The following GLB1 variants were observed in gnomAD, a reference collection of about 807,000 sequenced individuals.
GLB1 encodes beta-galactosidase.
Under a neutral mutation model 74.0 loss-of-function variants are expected in GLB1, and 56 were observed. The ratio of observed to expected loss-of-function variants is 0.76; its 90% CI spans 0.61 to 0.94. The LOEUF (loss-of-function observed/expected upper bound fraction) is 0.94. Ranked by LOEUF, GLB1 falls within the 40% of genes least tolerant of loss-of-function variation. The pLI is 0.00. For missense variants in GLB1, 787 were observed against 845.5 expected (o/e 0.93, Z 0.86); for synonymous variants, 323 against 323.6 (o/e 1.00, Z 0.02).
intron 5 of GLB1, among the ~76,000 whole-genome samples, chr3:33,064,438 T>C (rs2125541846): frequency 2.5e-5 from 1 of 40,108 alleles, no homozygotes; most frequent in Non-Finnish European, 4.5e-5. Flanking sequence ...AGACTCTGTC[T>C]CCTAAAAAAA....
chr3:33,079,476 AGAT>A (rs1438149994), intron 1 of GLB1, among the ~76,000 whole-genome samples: 1 of 152,240 alleles, frequency 6.6e-6, no homozygotes, highest in African/African-American at 2.4e-5. Context: ...TCAAAAAATA[AGAT>A]GAATTGATAG....
At chr3:33,041,263 T>C (rs4679075) in intron 10 of GLB1, among the ~76,000 whole-genome samples, 141,921 of 152,290 alleles carry the variant, frequency 0.93, 66,955 homozygotes, top group East Asian at 1. Context: ...AGAGGAAAGA[T>C]AGATTATCTT....
chr3:32,976,037 C>T, the GLB1 span, among the ~76,000 whole-genome samples: 2 of 152,210 alleles, frequency 1.3e-5, no homozygotes, highest in African/African-American at 4.8e-5. Flanking sequence ...CAGCATTTCA[C>T]CCATCTCCCC....
At chr3:32,964,646 G>A in the GLB1 span, among the ~76,000 whole-genome samples, 1 of 152,224 alleles carries the variant, frequency 6.6e-6, no homozygotes, top group East Asian at 1.9e-4. Flanking sequence ...ACAACTCTGT[G>A]TAAAGTTGAA....
intron 1 of GLB1, among the ~76,000 whole-genome samples, chr3:33,076,401 T>A (rs1700107116): frequency 6.6e-6 from 1 of 152,224 alleles, no homozygotes; most frequent in Admixed American, 6.5e-5. Flanking sequence ...CCGGATTTTA[T>A]GCTGAGAGCC....
At chr3:33,077,266 G>A in intron 1 of GLB1, 1 of 1,571,032 alleles carries the variant, frequency 6.4e-7, no homozygotes, top group Non-Finnish European at 8.6e-7. Flanking sequence ...TTAATTTGAA[G>A]GTGGCAGGGC....
At chr3:33,067,228 C>G (rs1318694763) in intron 4 of GLB1, among the ~76,000 whole-genome samples, 1 of 152,118 alleles carries the variant, frequency 6.6e-6, no homozygotes, top group Non-Finnish European at 1.5e-5. Context: ...GTCTCGAACT[C>G]CTGACCTCAG....
intron 15 of GLB1, among the ~76,000 whole-genome samples, chr3:33,003,465 A>T (rs928237787): frequency 3.3e-5 from 5 of 152,206 alleles, no homozygotes; most frequent in Non-Finnish European, 7.3e-5. Flanking sequence ...CCCATTTACA[A>T]AAGTTCTAAC....
the GLB1 span, among the ~76,000 whole-genome samples, chr3:32,961,892 A>G: frequency 3.3e-5 from 5 of 152,158 alleles, no homozygotes; most frequent in African/African-American, 1.2e-4. Flanking sequence ...TCCACAAGAT[A>G]AGGGGAATAA....
At chr3:33,057,705 G>A (rs1189186723) in intron 6 of GLB1, among the ~76,000 whole-genome samples, 2 of 152,206 alleles carry the variant, frequency 1.3e-5, no homozygotes, top group Non-Finnish European at 2.9e-5. Context: ...CAAGGTGGGA[G>A]GACAGGGAGG....
Position 33,024,281 on chromosome 3 carries a change from C to G in GLB1, c.1113G>C (p.Lys371Asn). 1 of 1,613,140 alleles carries G rather than the reference C, an allele frequency of 6.2e-7. No individual in the cohort carries two copies. The highest frequency in any genetic ancestry group is 1.7e-5 in the Admixed American group (1 of 59,966). ...PEGPIPPSTP[K>N]FAYGKVTLEK... Reference sequence around the variant, plus strand: ...CCAAAGTGACCTTTCCATATGCAAACTTTGGTGTAGATGGAGGGATAGGAC... The same window carrying G: ...CCAAAGTGACCTTTCCATATGCAAAGTTTGGTGTAGATGGAGGGATAGGAC... The change falls in exon 11 of 16, where the codon AAG (lysine) becomes AAC (asparagine). Residue 371 changes from lysine to asparagine, a missense_variant. Lys to Asn is a moderately conservative substitution (Grantham distance 94, BLOSUM62 0). Coordinates refer to ENST00000307363, the MANE Select transcript of GLB1 (RefSeq NM_000404.4).
intron 14 of GLB1, among the ~76,000 whole-genome samples, chr3:33,015,977 C>T (rs921975383): frequency 6.6e-6 from 1 of 152,216 alleles, no homozygotes; most frequent in Non-Finnish European, 1.5e-5. Flanking sequence ...GGGAGCTTAA[C>T]AAATGCTTGC....
At chr3:33,036,209 C>G (rs1373762559) in intron 10 of GLB1, among the ~76,000 whole-genome samples, 1 of 152,080 alleles carries the variant, frequency 6.6e-6, no homozygotes, top group African/African-American at 2.4e-5. Flanking sequence ...TCTTAAACAG[C>G]TGCATACAGA....
chr3:33,004,025 AT>A (rs534284714), intron 15 of GLB1, among the ~76,000 whole-genome samples: 296 of 151,456 alleles, frequency 2.0e-3, no homozygotes, highest in Non-Finnish European at 3.0e-3. Context: ...GTGAGACTCC[AT>A]TTCAAAAAAA....
intron 1 of GLB1, chr3:33,077,388 T>C: frequency 1.7e-6 from 2 of 1,188,552 alleles, no homozygotes; most frequent in Non-Finnish European, 2.4e-6. Context: ...AGATTCCAAT[T>C]TGACAGGCAA....
rs552118991 is a variant in GLB1, at chr3:33,064,281, A to G, written c.552+1182T>C. ...TGGTGAAACCCTGTCTCTACTAAAA[A>G]TACAAAAACATAGCCAGGCATCGTG... On this transcript the variant is annotated intron_variant, in intron 5 of 15. Coordinates refer to ENST00000307363, the MANE Select transcript of GLB1 (RefSeq NM_000404.4). 8.5e-4 allele frequency among the ~76,000 whole-genome samples: 128 copies of G among 150,544 alleles called. No individual in the cohort carries two copies. The Middle Eastern group carries it at 0.017, about 20-fold the overall frequency.
intron 1 of GLB1, among the ~76,000 whole-genome samples, chr3:33,074,320 A>AGAAAGAAGGAAGGAAGGAAGGAAG (rs1700004172): frequency 9.1e-6 from 1 of 110,042 alleles, no homozygotes; most frequent in East Asian, 3.0e-4. Context: ...AGAAAGAACG[A>AGAAAGAAGGAAGGAAGGAAGGAAG]GAAAGAAGGA....
At chr3:33,038,698 G>T (rs59139633) in intron 10 of GLB1, among the ~76,000 whole-genome samples, 11,403 of 152,164 alleles carry the variant, frequency 0.075, 549 homozygotes, top group East Asian at 0.24. Flanking sequence ...TCAGAGATCA[G>T]AACGGAGAAA....
chr3:33,029,959 A>AG (rs1697938150), intron 10 of GLB1: 1 of 151,798 alleles, frequency 6.6e-6, no homozygotes, highest in African/African-American at 2.4e-5. Context: ...AAGTTAAGAA[A>AG]AAAAAAAAAA....
Sources: gnomAD v4.1 joint callset for allele counts (sites outside exome capture counted in the v4.1 genomes callset) on GRCh38, gnomAD v4.1.1 for gene constraint, MANE v1.5 for transcripts, NCBI Gene and HGNC (gene_info 2026-07-23, HGNC 2026-07-21) for gene names.